The following DDX21 variants were observed in gnomAD, a reference collection of about 807,000 sequenced individuals.
DDX21 encodes the protein DExD-box helicase 21, also known as nucleolar RNA helicase 2.
Under a neutral mutation model 90.0 loss-of-function variants are expected in DDX21, and 18 were observed. The ratio of observed to expected loss-of-function variants is 0.20; its 90% confidence interval spans 0.14 to 0.30. The LOEUF (loss-of-function observed/expected upper bound fraction) is 0.30, where lower values mean the gene tolerates loss of function less well. Ranked by LOEUF, DDX21 falls within the 10% of genes least tolerant of loss-of-function variation. The pLI is 1.00. For synonymous variants in DDX21, 294 were observed against 318.0 expected (o/e 0.92, Z 0.80); for missense variants, 673 against 944.5 (o/e 0.71, Z 3.77).
At chr10:68,966,115 TA>T (rs376835433) in intron 5 of DDX21, among the ~76,000 whole-genome samples, 4,649 of 150,950 alleles carry the variant, frequency 0.031, 102 homozygotes, top group Non-Finnish European at 0.045. Context: ...GCTAACACGG[TA>T]AAACCCCGTC....
At chr10:68,959,129 A>C (rs1842839354) in intron 1 of DDX21, among the ~76,000 whole-genome samples, 1 of 152,134 alleles carries the variant, frequency 6.6e-6, no homozygotes, top group African/African-American at 2.4e-5. Context: ...ATTGGAATTG[A>C]ATTTGGACTT....
intron 11 of DDX21, among the ~76,000 whole-genome samples, chr10:68,975,790 T>C (rs1043317376): frequency 1.3e-5 from 2 of 152,150 alleles, no homozygotes; most frequent in Admixed American, 1.3e-4. Context: ...GGCTCACACC[T>C]GTAATCCCAG....
intron 13 of DDX21, among the ~76,000 whole-genome samples, chr10:68,979,750 A>T (rs190735321): frequency 2.2e-4 from 33 of 152,316 alleles, no homozygotes; most frequent in African/African-American, 7.0e-4. Flanking sequence ...CCATGTTGTT[A>T]TCTCCTTAAG....
chr10:68,963,916 A>G (rs1842904118), intron 4 of DDX21, among the ~76,000 whole-genome samples: 1 of 151,926 alleles, frequency 6.6e-6, no homozygotes, highest in South Asian at 2.1e-4. Flanking sequence ...CTGGCTAACA[A>G]CATGAAAGCC....
intron 3 of DDX21, among the ~76,000 whole-genome samples, chr10:68,962,883 T>C (rs971763318): frequency 6.6e-6 from 1 of 152,212 alleles, no homozygotes; most frequent in Non-Finnish European, 1.5e-5. Context: ...ATTTTCAGGC[T>C]TATGGATGAG....
intron 11 of DDX21, among the ~76,000 whole-genome samples, chr10:68,975,408 C>T (rs1049440269): frequency 6.6e-6 from 1 of 152,168 alleles, no homozygotes; most frequent in Non-Finnish European, 1.5e-5. Flanking sequence ...TCCCCTGTGC[C>T]ACATACTCAG....
Position 68,981,554 on chromosome 10 carries a change from A to G in DDX21, c.2055A>G (p.Val685=). 1.9e-6 allele frequency: 3 copies of G among 1,613,028 alleles called. No individual in the cohort carries two copies. The highest frequency in any genetic ancestry group is 2.5e-6 in the Non-Finnish European group (3 of 1,179,664). Residue 685 remains valine (V), a synonymous_variant, in exon 14 of 15, where the codon GTA becomes GTG. Coordinates refer to ENST00000354185, the MANE Select transcript of DDX21 (RefSeq NM_004728.4). ...ATTTCTAGGGTGTTTGCTTTGATGT[A>G]CCTACCGCATCAGTAACAGAAATAC... The part of the protein sequence containing the change: ...LKGKLGVCFD[V]PTASVTEIQE...
At chr10:68,977,773 G>T in intron 12 of DDX21, 85 bp downstream of exon 12, 2 of 1,373,726 alleles carry the variant, frequency 1.5e-6, no homozygotes, top group Non-Finnish European at 9.8e-7. Context: ...CTTCCCAGTT[G>T]TTTTCATTTT....
At chr10:68,956,423 G>C in intron 1 of DDX21, 111 bp downstream of exon 1, 1 of 1,533,398 alleles carries the variant, frequency 6.5e-7, no homozygotes, top group Non-Finnish European at 8.8e-7. Flanking sequence ...ATAACAGCGC[G>C]TCCAGACACC....
At chr10:68,981,678 G>A in intron 14 of DDX21, 97 bp downstream of exon 14, 1 of 1,068,226 alleles carries the variant, frequency 9.4e-7, no homozygotes, top group Non-Finnish European at 1.4e-6. Context: ...AATAGTTCTG[G>A]TTCCTTTAGT....
Position 68,982,074 on chromosome 10 carries a change from A to G in DDX21, c.2083-469A>G, listed in dbSNP as rs567308794. On this transcript the variant is annotated intron_variant, in intron 14 of 14. Coordinates refer to ENST00000354185, the MANE Select transcript of DDX21 (RefSeq NM_004728.4). ...TTTTAGTAGAGACGGGGGTTTCGCCATGTTGGCCAGGCTGGTCTCGAACTC... is the reference window on the plus strand; with the variant it reads ...TTTTAGTAGAGACGGGGGTTTCGCCGTGTTGGCCAGGCTGGTCTCGAACTC... 3.9e-5 allele frequency among the ~76,000 whole-genome samples: 6 copies of G among 152,184 alleles called. No homozygotes were observed. In the East Asian group the frequency reaches 7.7e-4, roughly 20 times the overall value.
intron 1 of DDX21, chr10:68,956,588 T>C: frequency 7.9e-7 from 1 of 1,266,536 alleles, no homozygotes; most frequent in East Asian, 3.7e-5. Flanking sequence ...AGAGGCCCTG[T>C]TGGAGCTCGG....
intron 2 of DDX21, among the ~76,000 whole-genome samples, chr10:68,961,353 G>A (rs1589282802): frequency 6.6e-6 from 1 of 152,274 alleles, no homozygotes; most frequent in East Asian, 1.9e-4. Context: ...CAGACATTTT[G>A]CAAAAAGAAA....
At position 68,960,194 on chromosome 10, in the gene DDX21, C is replaced by T. The variant is rs148037952; in HGVS notation, c.476C>T (p.Pro159Leu). 7.3e-5 allele frequency: 117 copies of T among 1,611,864 alleles called. No individual in the cohort carries two copies. The highest frequency in any genetic ancestry group is 3.9e-4 in the Admixed American group (23 of 59,264). Residue 159 changes from proline to leucine, a missense_variant, in exon 2 of 15, where the codon CCG becomes CTG. By Grantham distance (98) the Pro-to-Leu change is moderately conservative. Coordinates refer to ENST00000354185, the MANE Select transcript of DDX21 (RefSeq NM_004728.4). ...KLKNGFPHPEPDCNPSEAASE... is the reference protein window; with the variant it reads ...KLKNGFPHPELDCNPSEAASE... Reference sequence around the variant, plus strand: ...AAGAATGGATTTCCTCATCCTGAACCGGACTGTAACCCCAGTGAAGCTGCC... The same window carrying T: ...AAGAATGGATTTCCTCATCCTGAACTGGACTGTAACCCCAGTGAAGCTGCC...
At chr10:68,963,244 T>A in intron 3 of DDX21, 47 bp from the exon 4 acceptor site, 1 of 1,544,530 alleles carries the variant, frequency 6.5e-7, no homozygotes, top group Non-Finnish European at 8.8e-7. Flanking sequence ...GTATGGCTAA[T>A]GTTTTAAGAA....
At chr10:68,963,026 C>T (rs747739392) in intron 3 of DDX21, among the ~76,000 whole-genome samples, 3 of 152,156 alleles carry the variant, frequency 2.0e-5, no homozygotes, top group Non-Finnish European at 4.4e-5. Context: ...GTCCATCAGG[C>T]TGAGGCAGGA....
chr10:68,959,593 C>A (rs2132078426), intron 1 of DDX21, among the ~76,000 whole-genome samples: 1 of 152,256 alleles, frequency 6.6e-6, no homozygotes, highest in African/African-American at 2.4e-5. Context: ...TTGATATATA[C>A]CCGTCTATAT....
chr10:68,974,222 T>C (rs1157296909), intron 10 of DDX21, among the ~76,000 whole-genome samples: 1 of 152,170 alleles, frequency 6.6e-6, no homozygotes, highest in African/African-American at 2.4e-5. Context: ...CATGTGCCCC[T>C]GATAAGAGGT....
chr10:68,968,938 A>T (rs1589285767), intron 6 of DDX21, 38 bp from the exon 7 acceptor site: 2 of 1,608,022 alleles, frequency 1.2e-6, no homozygotes, highest in Non-Finnish European at 1.7e-6. Flanking sequence ...GCTTGTTTGG[A>T]TTATTCATAC....
Sources: allele counts gnomAD v4.1 joint callset (sites outside exome capture counted in the v4.1 genomes callset), GRCh38; gene constraint gnomAD v4.1.1; transcripts MANE v1.5; gene names NCBI Gene and HGNC (gene_info 2026-07-23, HGNC 2026-07-21).